Variants in CCDC170 observed in about 807,000 individuals in gnomAD.
CCDC170 encodes coiled-coil domain-containing protein 170.
In CCDC170, 69 loss-of-function variants were observed where a neutral mutation model predicts 72.6. The ratio of observed to expected loss-of-function variants is 0.95; its 90% CI spans 0.78 to 1.16. The LOEUF (loss-of-function observed/expected upper bound fraction) is 1.16. CCDC170 is among the 50% of genes most tolerant of loss of function. The pLI, the probability that CCDC170 is intolerant of heterozygous loss-of-function variation, is 0.00. For synonymous variants in CCDC170, 300 were observed against 303.9 expected (o/e 0.99, Z 0.13); for missense variants, 852 against 832.5 (o/e 1.02, Z -0.29).
At chr6:151,594,405 G>A (rs1776589726) in intron 8 of CCDC170, among the ~76,000 whole-genome samples, 1 of 152,116 alleles carries the variant, frequency 6.6e-6, no homozygotes, top group Admixed American at 6.5e-5. Context: ...AGAATATGCT[G>A]TATTCATGTT....
At chr6:151,546,906 T>A (rs937302326) in intron 4 of CCDC170, among the ~76,000 whole-genome samples, 3 of 151,764 alleles carry the variant, frequency 2.0e-5, no homozygotes, top group African/African-American at 7.3e-5. Flanking sequence ...TCAGCTTACC[T>A]GAACAGTAAT....
At chr6:151,539,954 A>G (rs564883990) in intron 3 of CCDC170, among the ~76,000 whole-genome samples, 47 of 152,188 alleles carry the variant, frequency 3.1e-4, no homozygotes, top group African/African-American at 1.1e-3. Context: ...CATCATATCT[A>G]TCTTCAAAAC....
chr6:151,525,004 C>A (rs190879171), intron 1 of CCDC170, among the ~76,000 whole-genome samples: 1 of 145,636 alleles, frequency 6.9e-6, no homozygotes, highest in Non-Finnish European at 1.5e-5. Context: ...GCAATCTCGG[C>A]TCACTGCAAA....
chr6:151,524,708 T>A (rs1374453034), intron 1 of CCDC170, among the ~76,000 whole-genome samples: 1 of 152,198 alleles, frequency 6.6e-6, no homozygotes, highest in Non-Finnish European at 1.5e-5. Context: ...TATTATGATG[T>A]AAGTTTGGTG....
At chr6:151,501,088 G>A (rs539222447) in intron 1 of CCDC170, among the ~76,000 whole-genome samples, 2 of 152,244 alleles carry the variant, frequency 1.3e-5, no homozygotes, top group Non-Finnish European at 2.9e-5. Flanking sequence ...TCTATTGGTA[G>A]GAAGTGAATT....
intron 9 of CCDC170, among the ~76,000 whole-genome samples, chr6:151,600,149 C>T (rs975288197): frequency 6.2e-4 from 95 of 152,278 alleles, no homozygotes; most frequent in African/African-American, 2.2e-3. Flanking sequence ...ATATCAAATA[C>T]AGAATAGATT....
At chr6:151,586,126 C>T in intron 7 of CCDC170, 37 bp downstream of exon 7, 1 of 1,596,390 alleles carries the variant, frequency 6.3e-7, no homozygotes, top group Middle Eastern at 1.7e-4. Flanking sequence ...GTGGAAGCAT[C>T]TGTTGTAGTA....
chr6:151,557,212 T>C (rs1246045247), intron 5 of CCDC170, among the ~76,000 whole-genome samples: 2 of 151,834 alleles, frequency 1.3e-5, no homozygotes, highest in Non-Finnish European at 2.9e-5. Flanking sequence ...ACCGAGACCA[T>C]CCTGGCTAAC....
intron 1 of CCDC170, among the ~76,000 whole-genome samples, chr6:151,495,593 G>A (rs1457279646): frequency 6.6e-6 from 1 of 151,920 alleles, no homozygotes; most frequent in African/African-American, 2.4e-5. Flanking sequence ...ACACCCCTGG[G>A]TTCAAACGAT....
intron 10 of CCDC170, 149 bp from the exon 11 acceptor site, chr6:151,617,798 A>G: frequency 1.5e-6 from 1 of 660,500 alleles, no homozygotes; most frequent in Non-Finnish European, 2.5e-6. Context: ...CTGGTATTTT[A>G]TAAGTGAGAG....
chr6:151,537,913 GA>G lies in CCDC170; in HGVS notation c.187-124del, dbSNP rs201228731. The G allele has an allele frequency of 4.2e-3, 3,736 of 882,690 alleles. 86 individuals carry two copies. In the African/African-American group the frequency reaches 0.048, roughly 11 times the overall value. 54.7% of individuals were successfully genotyped at this position (882,690 alleles called of 1,614,324 possible). On this transcript the variant is annotated intron_variant, in intron 2 of 10. Transcript: ENST00000239374. ...TTTGGTAATACAGATACAAATATTA[GA>G]AAAAAAATAAAGTTAGATTAAGTCA...
Position 151,619,938 on chromosome 6 carries a change from G to A in CCDC170, c.*1791G>A, listed in dbSNP as rs888189129. 2.0e-5 allele frequency: 3 copies of A among 151,996 alleles called. No homozygotes were observed. The highest frequency in any genetic ancestry group is 2.1e-4 in the South Asian group (1 of 4,820). 9.4% of individuals were successfully genotyped at this position (151,996 alleles called of 1,614,324 possible). Reference sequence around the variant, plus strand: ...AATTGCAAGGGTCAAAACTAGATTGGATCTTGGTTTGAATGAAAAAAAGCA... The same window carrying A: ...AATTGCAAGGGTCAAAACTAGATTGAATCTTGGTTTGAATGAAAAAAAGCA... On this transcript the variant is annotated 3_prime_UTR_variant, in exon 11 of 11. Coordinates refer to ENST00000239374, the MANE Select transcript of CCDC170 (RefSeq NM_025059.4).
At chr6:151,596,218 T>G (rs950591248) in intron 8 of CCDC170, 117 bp from the exon 9 acceptor site, 14 of 1,229,136 alleles carry the variant, frequency 1.1e-5, no homozygotes, top group Non-Finnish European at 1.5e-5. Flanking sequence ...ACTTTTTTGA[T>G]GGTTTACAAA....
At chr6:151,592,729 A>G (rs1776561160) in intron 7 of CCDC170, among the ~76,000 whole-genome samples, 1 of 152,206 alleles carries the variant, frequency 6.6e-6, no homozygotes, top group Non-Finnish European at 1.5e-5. Context: ...AACCATATCA[A>G]TGGGTGGATC....
intron 6 of CCDC170, among the ~76,000 whole-genome samples, chr6:151,578,716 G>A (rs1583035313): frequency 4.6e-5 from 7 of 152,340 alleles, no homozygotes; most frequent in African/African-American, 1.7e-4. Context: ...GGTCACACAA[G>A]CCGACAGAAG....
At chr6:151,546,020 C>G (rs1782766533) in intron 4 of CCDC170, among the ~76,000 whole-genome samples, 1 of 152,096 alleles carries the variant, frequency 6.6e-6, no homozygotes, top group Non-Finnish European at 1.5e-5. Flanking sequence ...TCAAGCGGTT[C>G]TCCCACCTTG....
intron 9 of CCDC170, among the ~76,000 whole-genome samples, chr6:151,604,503 T>A (rs1336823878): frequency 6.6e-6 from 1 of 152,230 alleles, no homozygotes; most frequent in East Asian, 1.9e-4. Context: ...TAGGTTTTAG[T>A]GTTCTATAAC....
At position 151,619,461 on chromosome 6, in the gene CCDC170, A is replaced by G. The variant is rs758368678; in HGVS notation, c.*1314A>G. ...AATGTGTTACTCTTTTGGACAATTT[A>G]TCTTATTTCTATCATATAAGATGTA... On this transcript the variant is annotated 3_prime_UTR_variant, in exon 11 of 11. Transcript: ENST00000239374. The G allele has an allele frequency of 1.3e-5, 2 of 152,228 alleles. No individual in the cohort carries two copies. The highest frequency in any genetic ancestry group is 2.9e-5 in the Non-Finnish European group (2 of 68,042). The allele number at this position is 152,228 out of a possible 1,614,324, so 9.4% of individuals were successfully genotyped here.
chr6:151,506,331 T>A (rs532374752), intron 1 of CCDC170, among the ~76,000 whole-genome samples: 5 of 152,370 alleles, frequency 3.3e-5, no homozygotes, highest in African/African-American at 1.2e-4. Context: ...TGTTAAGTGT[T>A]TCTTTCTGAT....
Sources: gnomAD v4.1 joint callset for allele counts (sites outside exome capture counted in the v4.1 genomes callset) on GRCh38, gnomAD v4.1.1 for gene constraint, MANE v1.5 for transcripts, NCBI Gene and HGNC (gene_info 2026-07-23, HGNC 2026-07-21) for gene names.